NAALADL2: variants seen among roughly 807,000 people sequenced by gnomAD.
NAALADL2 encodes the protein N-acetylated alpha-linked acidic dipeptidase like 2, also known as inactive N-acetylated-alpha-linked acidic dipeptidase-like protein 2.
In NAALADL2, 76 loss-of-function variants were observed where a neutral mutation model predicts 87.2. The observed-to-expected ratio is 0.87, with a 90% CI of 0.72 to 1.05. The LOEUF is 1.05. Among genes scored for constraint, NAALADL2 ranks in the 50% least tolerant of loss-of-function variants. NAALADL2 has a pLI of 0.00. For synonymous variants in NAALADL2, 354 were observed against 331.0 expected (o/e 1.07, Z -0.75); for missense variants, 1,089 against 945.8 (o/e 1.15, Z -1.99).
chr3:174,807,521 T>G (rs114571245), intron 3 of NAALADL2, among the ~76,000 whole-genome samples: 3,172 of 152,260 alleles, frequency 0.021, 117 homozygotes, highest in African/African-American at 0.071. Flanking sequence ...ACATTTTTCT[T>G]TTGTAATTTG....
chr3:174,722,803 T>C (rs573305633), intron 2 of NAALADL2, among the ~76,000 whole-genome samples: 1 of 152,350 alleles, frequency 6.6e-6, no homozygotes, highest in East Asian at 1.9e-4. Context: ...TTAAAATTGT[T>C]TCTTTGGCTT....
intron 11 of NAALADL2, among the ~76,000 whole-genome samples, chr3:175,627,970 A>G (rs1398242987): frequency 6.6e-6 from 1 of 151,726 alleles, no homozygotes; most frequent in Non-Finnish European, 1.5e-5. Flanking sequence ...TGCAGAAAAA[A>G]AAGGCTACTT....
At position 174,819,058 on chromosome 3, in the gene NAALADL2, CTTTTTTTTTTTT is replaced by C. The variant is rs3040106; in HGVS notation, c.-9+81329_-9+81340del. 4.8e-3 allele frequency among the ~76,000 whole-genome samples: 229 copies of C among 47,552 alleles called. 1 individual carries two copies. The highest frequency in any genetic ancestry group is 0.018 in the African/African-American group (219 of 12,354). The allele number at this position is 47,552 out of a possible 152,430, so 31.2% of individuals were successfully genotyped here. Reference sequence around the variant, plus strand: ...GAATTTCTTTATTATACCATTTATTCTTTTTTTTTTTTTTTTTTTTTTTTTTTTGGAGACAGG... The same window carrying C: ...GAATTTCTTTATTATACCATTTATTCTTTTTTTTTTTTTTTTGGAGACAGG... On this transcript the variant is annotated intron_variant, in intron 3 of 3. Transcript: ENST00000434257.
chr3:174,866,817 A>T (rs543220549), intron 1 of NAALADL2, among the ~76,000 whole-genome samples: 1 of 151,828 alleles, frequency 6.6e-6, no homozygotes, highest in Admixed American at 6.6e-5. Flanking sequence ...AAAGAAAAAA[A>T]TTACTAAGAA....
chr3:174,750,447 G>A (rs1198359192), intron 3 of NAALADL2, among the ~76,000 whole-genome samples: 1 of 46,734 alleles, frequency 2.1e-5, no homozygotes, highest in Non-Finnish European at 3.9e-5. Context: ...TGTTTTTTTT[G>A]GAGACAGACT....
chr3:174,814,972 T>C (rs1433564563), intron 3 of NAALADL2, among the ~76,000 whole-genome samples: 5 of 152,196 alleles, frequency 3.3e-5, no homozygotes, highest in African/African-American at 1.2e-4. Flanking sequence ...GTCAGACCTG[T>C]TCTGTGACAT....
At chr3:175,136,332 T>G (rs1169829849) in intron 2 of NAALADL2, among the ~76,000 whole-genome samples, 1 of 152,180 alleles carries the variant, frequency 6.6e-6, no homozygotes, top group Non-Finnish European at 1.5e-5. Flanking sequence ...TTCATGGATA[T>G]TTGGTGTCAC....
At chr3:174,915,502 T>A (rs1159974584) in intron 1 of NAALADL2, among the ~76,000 whole-genome samples, 1 of 152,150 alleles carries the variant, frequency 6.6e-6, no homozygotes, top group African/African-American at 2.4e-5. Flanking sequence ...TTTGAGCCCA[T>A]GTTCTCTGGT....
chr3:175,309,078 A>G (rs1045900477), intron 4 of NAALADL2, among the ~76,000 whole-genome samples: 2 of 152,254 alleles, frequency 1.3e-5, no homozygotes, highest in Non-Finnish European at 2.9e-5. Flanking sequence ...GGGTTGAGAA[A>G]TTACATCTCT....
At chr3:174,702,596 T>C (rs191413939) in intron 2 of NAALADL2, among the ~76,000 whole-genome samples, 1 of 152,210 alleles carries the variant, frequency 6.6e-6, no homozygotes, top group African/African-American at 2.4e-5. Flanking sequence ...CAAACTTAGA[T>C]GGTATTGCCT....
chr3:175,455,233 A>G (rs545077898), intron 6 of NAALADL2, among the ~76,000 whole-genome samples: 1 of 152,166 alleles, frequency 6.6e-6, no homozygotes, highest in African/African-American at 2.4e-5. Context: ...CAATTGGGTA[A>G]ACTAAACCCG....
intron 11 of NAALADL2, among the ~76,000 whole-genome samples, chr3:175,731,153 AG>A (rs1351133521): frequency 6.6e-6 from 1 of 152,212 alleles, no homozygotes; most frequent in Non-Finnish European, 1.5e-5. Flanking sequence ...CTCGTGTTAT[AG>A]CAAAAAAAGT....
At chr3:174,965,261 T>C (rs1042185835) in intron 1 of NAALADL2, among the ~76,000 whole-genome samples, 3 of 152,150 alleles carry the variant, frequency 2.0e-5, no homozygotes, top group African/African-American at 7.2e-5. Flanking sequence ...TCCACAGTGC[T>C]GGTACCAACA....
At chr3:174,549,690 C>T (rs1711883579) in intron 1 of NAALADL2, among the ~76,000 whole-genome samples, 1 of 152,090 alleles carries the variant, frequency 6.6e-6, no homozygotes, top group African/African-American at 2.4e-5. Flanking sequence ...AAGGGAAAAG[C>T]AATTTTAGGT....
intron 1 of NAALADL2, among the ~76,000 whole-genome samples, chr3:174,983,199 G>C (rs1015148869): frequency 6.6e-6 from 1 of 152,128 alleles, no homozygotes. Flanking sequence ...AAAGGAAAGA[G>C]GGGACAGTAT....
chr3:175,007,792 T>C (rs981588971), intron 1 of NAALADL2, among the ~76,000 whole-genome samples: 12 of 152,082 alleles, frequency 7.9e-5, no homozygotes, highest in African/African-American at 2.2e-4. Flanking sequence ...AAATTAGGCA[T>C]AGAAAGAGAT....
intron 9 of NAALADL2, among the ~76,000 whole-genome samples, chr3:175,508,817 T>C (rs967475525): frequency 1.3e-5 from 2 of 151,804 alleles, no homozygotes; most frequent in Admixed American, 6.6e-5. Context: ...CACATTACAT[T>C]GTCTTTAAGA....
chr3:175,055,243 A>G (rs567358645), intron 1 of NAALADL2, among the ~76,000 whole-genome samples: 1 of 152,178 alleles, frequency 6.6e-6, no homozygotes, highest in Non-Finnish European at 1.5e-5. Context: ...CGGCACAATC[A>G]GGAGCTGTGC....
At chr3:175,526,552 GT>G (rs979381800) in intron 9 of NAALADL2, among the ~76,000 whole-genome samples, 1 of 151,472 alleles carries the variant, frequency 6.6e-6, no homozygotes, top group African/African-American at 2.4e-5. Flanking sequence ...GTCAAAGTGT[GT>G]TTACGTATTT....
Sources: gnomAD v4.1 joint callset for allele counts (sites outside exome capture counted in the v4.1 genomes callset) on GRCh38, gnomAD v4.1.1 for gene constraint, MANE v1.5 for transcripts, NCBI Gene and HGNC (gene_info 2026-07-23, HGNC 2026-07-21) for gene names.